Variants in SMAD6 observed in about 807,000 individuals in gnomAD.
The protein encoded by SMAD6 is MAD homolog 6.
A neutral mutation model predicts 39.4 loss-of-function variants in SMAD6; 103 were observed. The observed-to-expected ratio is 2.62, with a 90% confidence interval of 2.23 to 3.08. The LOEUF (loss-of-function observed/expected upper bound fraction) is 3.08. Among genes scored for constraint, SMAD6 ranks in the 30% most tolerant of loss-of-function variants. The pLI is 0.00. For synonymous variants in SMAD6, 445 were observed against 353.3 expected (o/e 1.26, Z -2.91); for missense variants, 1,104 against 742.9 (o/e 1.49, Z -5.65).
At chr15:66,727,090 TTTC>T (rs1424620014) in intron 3 of SMAD6, among the ~76,000 whole-genome samples, 23 of 136,604 alleles carry the variant, frequency 1.7e-4, no homozygotes, top group African/African-American at 3.8e-4. Context: ...CTGGCTCTTT[TTTC>T]TTCTTCTTCT....
intron 3 of SMAD6, among the ~76,000 whole-genome samples, chr15:66,720,064 C>G (rs1893404887): frequency 6.6e-6 from 1 of 152,158 alleles, no homozygotes; most frequent in Non-Finnish European, 1.5e-5. Flanking sequence ...TCGCCTAATT[C>G]AGGGCGTGGG....
At chr15:66,725,102 A>G (rs1893500199) in intron 3 of SMAD6, among the ~76,000 whole-genome samples, 1 of 152,212 alleles carries the variant, frequency 6.6e-6, no homozygotes, top group African/African-American at 2.4e-5. Flanking sequence ...GTCAGGGTAG[A>G]GTGGCTGTTG....
chr15:66,769,954 A>G (rs1894352782), intron 3 of SMAD6, among the ~76,000 whole-genome samples: 1 of 152,120 alleles, frequency 6.6e-6, no homozygotes, highest in African/African-American at 2.4e-5. Flanking sequence ...CAGCCTCCCA[A>G]GTAGCTGGGA....
intron 1 of SMAD6, 68 bp downstream of exon 1, chr15:66,704,143 C>T: frequency 1.7e-6 from 2 of 1,207,984 alleles, no homozygotes; most frequent in Non-Finnish European, 2.1e-6. Context: ...GCCCTTCTCT[C>T]TGTGACACTG....
At chr15:66,775,954 T>C (rs116776211) in intron 3 of SMAD6, among the ~76,000 whole-genome samples, 49 of 152,230 alleles carry the variant, frequency 3.2e-4, no homozygotes, top group African/African-American at 1.1e-3. Flanking sequence ...GTGGGGACCA[T>C]GGGTTAGGGG....
intron 3 of SMAD6, among the ~76,000 whole-genome samples, chr15:66,764,179 C>T (rs527841596): frequency 5.9e-5 from 9 of 152,190 alleles, no homozygotes; most frequent in Non-Finnish European, 8.8e-5. Flanking sequence ...ATGCAGAGAT[C>T]TGCTTTCGAG....
intron 3 of SMAD6, among the ~76,000 whole-genome samples, chr15:66,768,281 A>C (rs1894324411): frequency 1.3e-5 from 2 of 152,100 alleles, no homozygotes; most frequent in African/African-American, 4.8e-5. Flanking sequence ...CTACATCTTT[A>C]GTGTAAATCG....
intron 3 of SMAD6, among the ~76,000 whole-genome samples, chr15:66,726,370 G>C (rs541234602): frequency 1.3e-5 from 2 of 152,302 alleles, no homozygotes; most frequent in Non-Finnish European, 2.9e-5. Context: ...AGAGGCCAAG[G>C]CATCTCCACA....
At chr15:66,767,358 G>C (rs1894305663) in intron 3 of SMAD6, among the ~76,000 whole-genome samples, 1 of 152,068 alleles carries the variant, frequency 6.6e-6, no homozygotes, top group African/African-American at 2.4e-5. Context: ...CTTGGACTTG[G>C]GATAGAGGTG....
chr15:66,746,386 G>A (rs1893908890), intron 3 of SMAD6, among the ~76,000 whole-genome samples: 1 of 152,096 alleles, frequency 6.6e-6, no homozygotes, highest in South Asian at 2.1e-4. Context: ...AGGTCTGGAA[G>A]TTAAAGGTCT....
chr15:66,754,359 C>T (rs2140651367), intron 3 of SMAD6, among the ~76,000 whole-genome samples: 1 of 152,274 alleles, frequency 6.6e-6, no homozygotes, highest in Middle Eastern at 3.4e-3. Context: ...TTGCGGTATT[C>T]AGGGGTTCAT....
Position 66,781,112 on chromosome 15 carries a change from C to A in SMAD6, c.1068C>A (p.Ile356=). 2 of 1,608,946 alleles carry A rather than the reference C, an allele frequency of 1.2e-6. No individual in the cohort carries two copies. The highest frequency in any genetic ancestry group is 1.7e-6 in the Non-Finnish European group (2 of 1,179,698). The change falls in exon 4 of 4, where the codon ATC becomes ATA. Residue 356 remains isoleucine, a synonymous_variant. Coordinates refer to ENST00000288840, the MANE Select transcript of SMAD6 (RefSeq NM_005585.5). ...CGGTGTACGACCAGGCCGTCAGCAT[C>A]TTCTACGACCTACCTCAGGGCAGCG... ...LYAVYDQAVS[I]FYDLPQGSGF... is the part of the protein sequence containing the mutation.
At position 66,781,475 on chromosome 15, in the gene SMAD6, CCGG is replaced by C; in HGVS notation, c.1433_1435del (p.Arg478del). The C allele has an allele frequency of 6.2e-7, 1 of 1,600,244 alleles. No individual in the cohort carries two copies. Among genetic ancestry groups the C allele is most frequent in the Non-Finnish European group, 8.5e-7 (1 of 1,175,620 alleles). The stretch of plus-strand genomic sequence containing the variant: ...CCAAGGGCTGGGGGCCCTGCTACTC[CCGG>C]CAGTTCATCACCTCCTGCCCCTGCT... On this transcript the variant is annotated inframe_deletion, in exon 4 of 4. Transcript: ENST00000288840.
chr15:66,780,161 T>C (rs1894532444), intron 3 of SMAD6, among the ~76,000 whole-genome samples: 1 of 152,158 alleles, frequency 6.6e-6, no homozygotes, highest in Non-Finnish European at 1.5e-5. Context: ...TTCTTTGTCA[T>C]TTAGGGACCC....
chr15:66,702,654 G>C lies in SMAD6; in HGVS notation c.-605G>C, dbSNP rs1316146444. Reference sequence around the variant, plus strand: ...GGACCTGAGACGGCGTTGGCCTTTCGTGCATGCAAATCCAGGGATTTAGGT... The same window carrying C: ...GGACCTGAGACGGCGTTGGCCTTTCCTGCATGCAAATCCAGGGATTTAGGT... On this transcript the variant is annotated 5_prime_UTR_variant, in exon 1 of 4. Transcript: ENST00000288840. The C allele has an allele frequency of 6.6e-6, 1 of 152,510 alleles. No homozygotes were observed. The highest frequency in any genetic ancestry group is 1.5e-5 in the Non-Finnish European group (1 of 68,066). 9.4% of individuals were successfully genotyped at this position (152,510 alleles called of 1,614,324 possible). A position where few individuals can be genotyped will look rare whatever the true frequency, so the allele number is the denominator to read the frequency against.
At chr15:66,711,636 C>T (rs775129704) in intron 1 of SMAD6, 32 bp from the exon 2 acceptor site, 1 of 1,585,776 alleles carries the variant, frequency 6.3e-7, no homozygotes, top group East Asian at 2.2e-5. Flanking sequence ...CTCCCCAACC[C>T]TGGCAGTGAC....
intron 1 of SMAD6, among the ~76,000 whole-genome samples, chr15:66,710,099 C>G (rs1013955819): frequency 6.6e-6 from 1 of 152,198 alleles, no homozygotes; most frequent in Non-Finnish European, 1.5e-5. Flanking sequence ...CAGGCCTGGA[C>G]TGGAATCCCA....
intron 3 of SMAD6, among the ~76,000 whole-genome samples, chr15:66,730,335 T>C (rs116000321): frequency 0.011 from 1,644 of 152,344 alleles, 30 homozygotes; most frequent in African/African-American, 0.036. Context: ...GTAAGGTTCA[T>C]GAAAAGCCTT....
At chr15:66,780,615 G>A (rs889321046) in intron 3 of SMAD6, among the ~76,000 whole-genome samples, 1 of 152,194 alleles carries the variant, frequency 6.6e-6, no homozygotes, top group African/African-American at 2.4e-5. Context: ...GTCCGTGATG[G>A]TTGCTCCACA....
Sources: allele counts gnomAD v4.1 joint callset (sites outside exome capture counted in the v4.1 genomes callset), GRCh38; gene constraint gnomAD v4.1.1; transcripts MANE v1.5; gene names NCBI Gene and HGNC (gene_info 2026-07-23, HGNC 2026-07-21).